ACMSD: variants seen among roughly 807,000 people sequenced by gnomAD.
The protein encoded by ACMSD is 2-amino-3-carboxymuconate-6-semialdehyde decarboxylase.
A neutral mutation model predicts 45.9 loss-of-function variants in ACMSD; 37 were observed. The observed-to-expected ratio is 0.81, with a 90% CI of 0.62 to 1.06. The LOEUF (loss-of-function observed/expected upper bound fraction) is 1.06, where lower values mean the gene tolerates loss of function less well. ACMSD is among the 50% of genes least tolerant of loss of function. The pLI, the probability that ACMSD is intolerant of heterozygous loss-of-function variation, is 0.00. For synonymous variants in ACMSD, 138 were observed against 148.8 expected (o/e 0.93, Z 0.53); for missense variants, 434 against 420.9 (o/e 1.03, Z -0.27).
chr2:134,853,762 A>AT (rs1333602858), intron 2 of ACMSD, among the ~76,000 whole-genome samples: 1 of 151,994 alleles, frequency 6.6e-6, no homozygotes, highest in African/African-American at 2.4e-5. Context: ...CTCTGCAGTG[A>AT]TTTTTACTCA....
intron 8 of ACMSD, among the ~76,000 whole-genome samples, chr2:134,885,282 ATAT>A (rs1252286800): frequency 1.2e-4 from 8 of 64,706 alleles, no homozygotes; most frequent in Admixed American, 5.7e-4. Context: ...TATATATTAT[ATAT>A]TATATTTATA....
chr2:134,875,801 A>G (rs1035121330), intron 8 of ACMSD, among the ~76,000 whole-genome samples: 1 of 152,194 alleles, frequency 6.6e-6, no homozygotes, highest in Non-Finnish European at 1.5e-5. Context: ...ACCGCTGCAT[A>G]ATTACAGTCA....
At chr2:134,882,655 T>C (rs1689104691) in intron 8 of ACMSD, among the ~76,000 whole-genome samples, 1 of 152,230 alleles carries the variant, frequency 6.6e-6, no homozygotes, top group African/African-American at 2.4e-5. Context: ...ACAAACTAAA[T>C]CTCTGGTATG....
At chr2:134,893,167 C>T (rs867631662) in intron 8 of ACMSD, among the ~76,000 whole-genome samples, 4 of 151,326 alleles carry the variant, frequency 2.6e-5, no homozygotes, top group South Asian at 4.2e-4. Context: ...TCTTGTGAAT[C>T]ATTACTTATT....
chr2:134,843,465 CACAG>C (rs1276876730), intron 1 of ACMSD, among the ~76,000 whole-genome samples: 2 of 152,172 alleles, frequency 1.3e-5, no homozygotes, highest in African/African-American at 4.8e-5. Flanking sequence ...AGACCCCAGG[CACAG>C]ACAGAGACAC....
chr2:134,875,193 G>T (rs773354498), intron 8 of ACMSD, among the ~76,000 whole-genome samples: 1 of 152,024 alleles, frequency 6.6e-6, no homozygotes, highest in Non-Finnish European at 1.5e-5. Context: ...TAGAGACAGG[G>T]TTTTGCCATG....
intron 8 of ACMSD, chr2:134,873,006 C>T (rs767629217): frequency 1.9e-5 from 4 of 210,484 alleles, no homozygotes; most frequent in Non-Finnish European, 3.9e-5. Context: ...GTCAAATTGA[C>T]CTGGGTTAAA....
At chr2:134,857,968 T>C (rs1468564131) in intron 2 of ACMSD, 1 of 152,010 alleles carries the variant, frequency 6.6e-6, no homozygotes, top group Non-Finnish European at 1.5e-5. Context: ...GATATGATCA[T>C]ATGTTTTCCT....
chr2:134,898,444 A>G lies in ACMSD; in HGVS notation c.948+5A>G. 3.2e-6 allele frequency: 5 copies of G among 1,574,530 alleles called. No homozygotes were observed. The highest frequency in any genetic ancestry group is 4.3e-6 in the Non-Finnish European group (5 of 1,162,966). On this transcript the variant is annotated splice_donor_5th_base_variant and intron_variant, in intron 9 of 9. Transcript: ENST00000356140. ...GAATTTGATGAAGAAACAAAGGTATAATGTCTTTTACTTCACGGCTTTCTT... is the reference window on the plus strand; with the variant it reads ...GAATTTGATGAAGAAACAAAGGTATGATGTCTTTTACTTCACGGCTTTCTT...
chr2:134,894,623 A>G (rs1409619107), intron 8 of ACMSD, among the ~76,000 whole-genome samples: 1 of 152,164 alleles, frequency 6.6e-6, no homozygotes, highest in Non-Finnish European at 1.5e-5. Context: ...AACATCCTCA[A>G]CCTAATAAAA....
intron 5 of ACMSD, among the ~76,000 whole-genome samples, chr2:134,864,504 T>A (rs1452560284): frequency 6.6e-6 from 1 of 152,230 alleles, no homozygotes; most frequent in Non-Finnish European, 1.5e-5. Flanking sequence ...TGATTTTGTA[T>A]GCTAATTAAA....
rs576205173 is a variant in ACMSD, at chr2:134,840,897, T to C, written c.57+2158T>C. The stretch of plus-strand genomic sequence containing the variant: ...GTATACACTGCACCCAATTTTAGTC[T>C]TTTATCCCTCATCTGCTTCCCACCC... On this transcript the variant is annotated intron_variant, in intron 1 of 9. Coordinates refer to ENST00000356140, the MANE Select transcript of ACMSD (RefSeq NM_138326.3). Among the ~76,000 whole-genome samples the C allele has an allele frequency of 3.9e-5, 6 of 152,320 alleles. No homozygotes were observed. The East Asian group carries it at 9.7e-4, about 25-fold the overall frequency.
intron 8 of ACMSD, among the ~76,000 whole-genome samples, chr2:134,874,231 T>G (rs1688616680): frequency 6.6e-6 from 1 of 152,164 alleles, no homozygotes; most frequent in East Asian, 1.9e-4. Flanking sequence ...TTTACAAACT[T>G]CTTGATGCTG....
At chr2:134,860,585 A>G (rs2104850551) in intron 3 of ACMSD, among the ~76,000 whole-genome samples, 1 of 152,272 alleles carries the variant, frequency 6.6e-6, no homozygotes, top group South Asian at 2.1e-4. Flanking sequence ...CAAATATACA[A>G]AGAGATGGCA....
chr2:134,896,912 A>G (rs1690185505), intron 8 of ACMSD, among the ~76,000 whole-genome samples: 1 of 152,148 alleles, frequency 6.6e-6, no homozygotes, highest in Admixed American at 6.6e-5. Context: ...TTCTGGAGAC[A>G]CAGAGGGTAA....
At chr2:134,863,282 T>A in intron 4 of ACMSD, 113 bp from the exon 5 acceptor site, 1 of 1,131,718 alleles carries the variant, frequency 8.8e-7, no homozygotes, top group Non-Finnish European at 1.3e-6. Flanking sequence ...TCTGATGTGG[T>A]AAAGCCACTG....
chr2:134,878,824 A>G (rs1222574404), intron 8 of ACMSD, among the ~76,000 whole-genome samples: 1 of 152,194 alleles, frequency 6.6e-6, no homozygotes, highest in Non-Finnish European at 1.5e-5. Context: ...TTTAAAAACC[A>G]AATGAGTCTT....
chr2:134,858,441 A>G (rs1222458633), intron 2 of ACMSD, among the ~76,000 whole-genome samples: 3 of 152,190 alleles, frequency 2.0e-5, no homozygotes, highest in Non-Finnish European at 2.9e-5. Flanking sequence ...GTTCATATCT[A>G]TTGCACAATA....
intron 2 of ACMSD, among the ~76,000 whole-genome samples, chr2:134,855,186 AG>A (rs1687524517): frequency 1.3e-5 from 2 of 152,218 alleles, no homozygotes; most frequent in African/African-American, 4.8e-5. Context: ...TAAGAAGAAA[AG>A]AAATTTGTTG....
Sources: gnomAD v4.1 joint callset for allele counts (sites outside exome capture counted in the v4.1 genomes callset) on GRCh38, gnomAD v4.1.1 for gene constraint, MANE v1.5 for transcripts, NCBI Gene and HGNC (gene_info 2026-07-23, HGNC 2026-07-21) for gene names.